Variants in CECR2 observed in about 807,000 individuals in gnomAD.
The protein encoded by CECR2 is chromatin remodeling regulator CECR2.
Under a neutral mutation model 154.5 loss-of-function variants are expected in CECR2, and 30 were observed. That is an observed-to-expected ratio of 0.19 (90% confidence interval 0.15 to 0.26). The LOEUF is 0.26. Among genes scored for constraint, CECR2 ranks in the 10% least tolerant of loss-of-function variants. The pLI is 1.00. For missense variants in CECR2, 1,743 were observed against 1,829.3 expected (o/e 0.95, Z 0.86); for synonymous variants, 725 against 683.7 (o/e 1.06, Z -0.94).
chr22:17,362,557 TTGTG>T (rs1469172028), intron 1 of CECR2, among the ~76,000 whole-genome samples: 26 of 152,252 alleles, frequency 1.7e-4, no homozygotes, highest in African/African-American at 6.3e-4. Flanking sequence ...TTCATTTTTT[TTGTG>T]TGTGTTGATT....
rs1024456558 is a variant in CECR2, at chr22:17,540,464, G to T, written c.1548G>T (p.Met516Ile). ...NLERCFHRAM[M>I]KHFPGEDGDT... ...AGAGGTGTTTCCATCGGGCAATGAT[G>T]AAACATTTTCCTGGAGAAGATGGAG... is the stretch of plus-strand genomic sequence containing the variant. Residue 516 changes from methionine (M) to isoleucine (I), a missense_variant, in exon 14 of 19, where the codon ATG (methionine) becomes ATT (isoleucine). Physicochemically the swap from Met to Ile is conservative, Grantham distance 10. Around this residue, in one of 4 missense-constraint regions of CECR2, gnomAD observed 103 missense variants for 166.8 expected, o/e 0.62. Transcript: ENST00000262608. The T allele has an allele frequency of 3.8e-6, 6 of 1,596,326 alleles. No individual in the cohort carries two copies. The highest frequency in any genetic ancestry group is 5.1e-6 in the Non-Finnish European group (6 of 1,170,414).
intron 1 of CECR2, among the ~76,000 whole-genome samples, chr22:17,370,733 G>A (rs1388448444): frequency 1.3e-5 from 2 of 152,200 alleles, no homozygotes; most frequent in African/African-American, 2.4e-5. Flanking sequence ...GGAGCGCGGC[G>A]GGTGGCGGGA....
At chr22:17,408,868 G>A (rs547931163) in intron 1 of CECR2, among the ~76,000 whole-genome samples, 2 of 152,314 alleles carry the variant, frequency 1.3e-5, no homozygotes, top group East Asian at 1.9e-4. Flanking sequence ...AATAGTCTAA[G>A]TCCCTTACCA....
chr22:17,542,206 A>G lies in CECR2; in HGVS notation c.2063A>G (p.Glu688Gly), dbSNP rs2056535347. Residue 688 changes from glutamate to glycine, a missense_variant, in exon 16 of 19, where the codon GAG becomes GGG. Physicochemically the swap from Glu to Gly is moderately conservative, Grantham distance 98 (BLOSUM62 -2). Transcript: ENST00000262608. Reference protein sequence around the residue: ...SLRGPRLGTPEEKQMCGGLTH... With the variant: ...SLRGPRLGTPGEKQMCGGLTH... ...CGAGGACCCAGGCTAGGCACACCAG[A>G]GGAGAAGCAAATGTGCGGGGGGCTG... 6 of 1,613,010 alleles carry G rather than the reference A, an allele frequency of 3.7e-6. No homozygotes were observed. Among genetic ancestry groups the G allele is most frequent in the Admixed American group, 1.7e-5 (1 of 59,872 alleles).
intron 7 of CECR2, among the ~76,000 whole-genome samples, chr22:17,507,402 T>C (rs1394495760): frequency 1.3e-5 from 2 of 152,204 alleles, no homozygotes; most frequent in East Asian, 3.8e-4. Context: ...AAATATATAA[T>C]CTAATTTTCT....
At chr22:17,501,622 T>G (rs1402891902) in intron 5 of CECR2, among the ~76,000 whole-genome samples, 1 of 152,230 alleles carries the variant, frequency 6.6e-6, no homozygotes, top group African/African-American at 2.4e-5. Flanking sequence ...CACTTAACTT[T>G]ACAGAAGTTC....
chr22:17,508,848 G>A (rs1483906632), intron 7 of CECR2, among the ~76,000 whole-genome samples: 6 of 152,206 alleles, frequency 3.9e-5, no homozygotes, highest in Non-Finnish European at 5.9e-5. Flanking sequence ...AGTAAAAGCT[G>A]TCTTGTTACC....
intron 18 of CECR2, among the ~76,000 whole-genome samples, 165 bp downstream of exon 18, chr22:17,552,307 C>T (rs1299205846): frequency 3.9e-5 from 6 of 152,130 alleles, no homozygotes; most frequent in Admixed American, 3.3e-4. Context: ...CAAGAGGCCT[C>T]GGAAGTCACC....
chr22:17,442,426 T>G (rs1173660407), intron 1 of CECR2, among the ~76,000 whole-genome samples: 1 of 152,148 alleles, frequency 6.6e-6, no homozygotes. Flanking sequence ...ATTTTTAAAT[T>G]AGTTGGGCGT....
chr22:17,453,081 T>C (rs1370412353), intron 1 of CECR2, among the ~76,000 whole-genome samples: 2 of 152,190 alleles, frequency 1.3e-5, no homozygotes, highest in East Asian at 1.9e-4. Context: ...TTCTGGTACA[T>C]TGTATGAATG....
At chr22:17,454,770 G>T (rs1426844869) in intron 1 of CECR2, among the ~76,000 whole-genome samples, 1 of 152,136 alleles carries the variant, frequency 6.6e-6, no homozygotes, top group African/African-American at 2.4e-5. Flanking sequence ...ATTCCACAAA[G>T]TTTTAATTTT....
chr22:17,487,822 T>C (rs2055449976), intron 2 of CECR2, among the ~76,000 whole-genome samples: 1 of 152,206 alleles, frequency 6.6e-6, no homozygotes, highest in Non-Finnish European at 1.5e-5. Flanking sequence ...TCCTGTGGCT[T>C]ACACTCTTAA....
chr22:17,401,543 A>G (rs894081895), intron 1 of CECR2, among the ~76,000 whole-genome samples: 2 of 151,450 alleles, frequency 1.3e-5, no homozygotes, highest in African/African-American at 4.9e-5. Flanking sequence ...GTTAGTTTAC[A>G]TTTCCTAGAC....
At chr22:17,513,419 A>G (rs934377900) in intron 8 of CECR2, among the ~76,000 whole-genome samples, 2 of 152,202 alleles carry the variant, frequency 1.3e-5, no homozygotes, top group Non-Finnish European at 2.9e-5. Flanking sequence ...CTTAAATTTG[A>G]GTGACGACAC....
chr22:17,445,176 T>C (rs996931864), intron 1 of CECR2, among the ~76,000 whole-genome samples: 4 of 152,202 alleles, frequency 2.6e-5, no homozygotes, highest in Admixed American at 6.5e-5. Context: ...CATTATACTT[T>C]ATGACCTAAG....
intron 1 of CECR2, chr22:17,424,662 A>T (rs1051285427): frequency 3.1e-5 from 5 of 163,114 alleles, no homozygotes; most frequent in African/African-American, 1.2e-4. Flanking sequence ...ATGGAAGGCG[A>T]TGTCTGAGTG....
chr22:17,481,049 TA>T (rs572712907), intron 2 of CECR2, among the ~76,000 whole-genome samples: 2,127 of 91,934 alleles, frequency 0.023, 89 homozygotes, highest in African/African-American at 0.071. Context: ...CTTTTTTTTT[TA>T]AAAAAAAAAA....
intron 1 of CECR2, among the ~76,000 whole-genome samples, chr22:17,460,297 T>C (rs1247198664): frequency 3.3e-5 from 5 of 152,116 alleles, no homozygotes; most frequent in African/African-American, 1.2e-4. Context: ...ACAACCTCTG[T>C]CTCCTGGGTT....
rs1271482010 is a variant in CECR2, at chr22:17,548,214, C to T, written c.2927C>T (p.Thr976Ile). 2 of 1,594,278 alleles carry T rather than the reference C, an allele frequency of 1.3e-6. No individual in the cohort carries two copies. Among genetic ancestry groups the T allele is most frequent in the African/African-American group, 2.7e-5 (2 of 73,988 alleles). ...GGTACTTCAGAGGGGGTCTACCTCA[C>T]ACAACTACCTCACCCCACACCTCCC... ...GVGTSEGVYL[T>I]QLPHPTPPLQ... is the part of the protein sequence containing the mutation. The change falls in exon 17 of 19, where the codon ACA becomes ATA. Residue 976 changes from threonine (T) to isoleucine (I), a missense_variant. Physicochemically the swap from Thr to Ile is moderately conservative, Grantham distance 89. Around this residue, in one of 4 missense-constraint regions of CECR2, gnomAD observed 1,250 missense variants for 1,192.1 expected, o/e 1.05. Transcript: ENST00000262608.
Sources: allele counts gnomAD v4.1 joint callset (sites outside exome capture counted in the v4.1 genomes callset), GRCh38; gene constraint gnomAD v4.1.1; regional missense constraint gnomAD v4.1.1; transcripts MANE v1.5; gene names NCBI Gene and HGNC (gene_info 2026-07-23, HGNC 2026-07-21).